Variants in AGPAT4 observed in about 807,000 individuals in gnomAD.
AGPAT4 encodes the protein 1-acyl-sn-glycerol-3-phosphate acyltransferase delta.
In AGPAT4, 15 loss-of-function variants were observed where a neutral mutation model predicts 48.0. That is an observed-to-expected ratio of 0.31 (90% CI 0.21 to 0.48). The LOEUF (loss-of-function observed/expected upper bound fraction) is 0.48, where lower values mean the gene tolerates loss of function less well. Ranked by LOEUF, AGPAT4 falls within the 20% of genes least tolerant of loss-of-function variation. The pLI is 0.99. For missense variants in AGPAT4, 314 were observed against 482.5 expected (o/e 0.65, Z 3.27); for synonymous variants, 178 against 198.7 (o/e 0.90, Z 0.88).
chr6:161,251,608 AC>A lies in AGPAT4; in HGVS notation c.-89-19307del, dbSNP rs1354791013. Among the ~76,000 whole-genome samples, 1 of 152,078 alleles carries A rather than the reference AC, an allele frequency of 6.6e-6. No homozygotes were observed. The highest frequency in any genetic ancestry group is 2.4e-5 in the African/African-American group (1 of 41,406). On this transcript the variant is annotated intron_variant, in intron 1 of 8. Transcript: ENST00000320285. This position sits in a 1 kb window ranked among gnomAD's most constrained non-coding sequence, Gnocchi z 4.6. ...CAGCCTGTCCGGCCGCTGGTTAAAG[AC>A]CCGCAGGGAGGATGGAAGCTGCGCC...
rs1190889516 is a variant in AGPAT4 at position 161,178,522 on chromosome 6, C to T, written c.179-12105G>A. Among the ~76,000 whole-genome samples, 1 of 152,188 alleles carries T rather than the reference C, an allele frequency of 6.6e-6. No individual in the cohort carries two copies. Among genetic ancestry groups the T allele is most frequent in the Non-Finnish European group, 1.5e-5 (1 of 68,036 alleles). ...TGGGAGTGAACCAATTTTCCAGGTG[C>T]CGTCTGTCACCGCTTCCCTTGGCTA... On this transcript the variant is annotated intron_variant, in intron 2 of 8. Transcript: ENST00000320285. The surrounding 1 kb of genome is among the most constrained non-coding windows in gnomAD (Gnocchi z 5.1).
Position 161,215,028 on chromosome 6 carries a change from A to G in AGPAT4, c.178+17008T>C, listed in dbSNP as rs891310957. On this transcript the variant is annotated intron_variant, in intron 2 of 8. Coordinates refer to ENST00000320285, the MANE Select transcript of AGPAT4 (RefSeq NM_020133.3). This position sits in a 1 kb window ranked among gnomAD's most constrained non-coding sequence, Gnocchi z 4.5. Reference sequence around the variant, plus strand: ...GACCATATCCAGCTTCATACTAACAATTTTTTCTTTGGTAGGACTACAAGC... The same window carrying G: ...GACCATATCCAGCTTCATACTAACAGTTTTTTCTTTGGTAGGACTACAAGC... 6.6e-6 allele frequency among the ~76,000 whole-genome samples: 1 copy of G among 151,944 alleles called. No homozygotes were observed. The highest frequency in any genetic ancestry group is 6.6e-5 in the Admixed American group (1 of 15,242).
At position 161,231,203 on chromosome 6, in the gene AGPAT4, C is replaced by T. The variant is rs73595087; in HGVS notation, c.178+833G>A. 0.011 allele frequency among the ~76,000 whole-genome samples: 1,642 copies of T among 152,178 alleles called. 33 individuals are homozygous for T. Among genetic ancestry groups the T allele is most frequent in the African/African-American group, 0.038 (1,569 of 41,500 alleles). On this transcript the variant is annotated intron_variant, in intron 2 of 8. Coordinates refer to ENST00000320285, the MANE Select transcript of AGPAT4 (RefSeq NM_020133.3). The surrounding 1 kb of genome is among the most constrained non-coding windows in gnomAD (Gnocchi z 5.3). ...ATATATCATTATTAATATCACACTGCGTTCTCTACTTTTAAGAATAGGTAT... is the reference window on the plus strand; with the variant it reads ...ATATATCATTATTAATATCACACTGTGTTCTCTACTTTTAAGAATAGGTAT...
At chr6:161,157,994 A>C (rs1227229103) in intron 3 of AGPAT4, among the ~76,000 whole-genome samples, 2 of 152,232 alleles carry the variant, frequency 1.3e-5, no homozygotes, top group African/African-American at 4.8e-5. Context: ...ACAAAAGCAC[A>C]AAGTTGAGAC....
At chr6:161,156,403 A>C (rs920535254) in intron 3 of AGPAT4, among the ~76,000 whole-genome samples, 2 of 152,196 alleles carry the variant, frequency 1.3e-5, no homozygotes, top group African/African-American at 4.8e-5. Context: ...AACCTAAAAT[A>C]TTCATTCTCT....
rs1327121980 is a variant in AGPAT4 at position 161,180,501 on chromosome 6, C to G, written c.179-14084G>C. Reference sequence around the variant, plus strand: ...TGGCCTTATGATCATTAGCTCTAACCAACTTTAACAATTATATAATTACAT... The same window carrying G: ...TGGCCTTATGATCATTAGCTCTAACGAACTTTAACAATTATATAATTACAT... On this transcript the variant is annotated intron_variant, in intron 2 of 8. Transcript: ENST00000320285. The surrounding 1 kb of genome is among the most constrained non-coding windows in gnomAD (Gnocchi z 6.4). Among the ~76,000 whole-genome samples, 1 of 152,156 alleles carries G rather than the reference C, an allele frequency of 6.6e-6. No individual in the cohort carries two copies. Among genetic ancestry groups the G allele is most frequent in the Non-Finnish European group, 1.5e-5 (1 of 68,032 alleles).
At position 161,220,306 on chromosome 6, in the gene AGPAT4, T is replaced by C. The variant is rs894120504; in HGVS notation, c.178+11730A>G. On this transcript the variant is annotated intron_variant, in intron 2 of 8. Transcript: ENST00000320285. This position sits in a 1 kb window ranked among gnomAD's most constrained non-coding sequence, Gnocchi z 6.0. ...AGGGTTCATTTTGGAATAAGCATCATATGGAAAAGTTTAGCCAAGTAAAAG... is the reference window on the plus strand; with the variant it reads ...AGGGTTCATTTTGGAATAAGCATCACATGGAAAAGTTTAGCCAAGTAAAAG... 1.3e-5 allele frequency among the ~76,000 whole-genome samples: 2 copies of C among 152,188 alleles called. No individual in the cohort carries two copies. The highest frequency in any genetic ancestry group is 4.8e-5 in the African/African-American group (2 of 41,432).
intron 2 of AGPAT4, among the ~76,000 whole-genome samples, chr6:161,228,364 C>T (rs1254305446): frequency 1.3e-5 from 2 of 152,178 alleles, no homozygotes; most frequent in African/African-American, 4.8e-5. Flanking sequence ...TGTAGCTGTG[C>T]ATCCAACAGC....
At chr6:161,168,259 G>A (rs1780165735) in intron 2 of AGPAT4, among the ~76,000 whole-genome samples, 1 of 152,128 alleles carries the variant, frequency 6.6e-6, no homozygotes, top group Admixed American at 6.5e-5. Flanking sequence ...CCCGAGGATG[G>A]GAAGGATCAA....
rs924752351 is a variant in AGPAT4, at chr6:161,226,157, G to C, written c.178+5879C>G. Among the ~76,000 whole-genome samples, 1 of 152,112 alleles carries C rather than the reference G, an allele frequency of 6.6e-6. No individual in the cohort carries two copies. The highest frequency in any genetic ancestry group is 2.4e-5 in the African/African-American group (1 of 41,424). ...CCAGCAGAGGTAGCCAGTAGGTCCT[G>C]CCCAACTCCACATTTTGACAGGCTC... is the stretch of plus-strand genomic sequence containing the variant. On this transcript the variant is annotated intron_variant, in intron 2 of 8. Coordinates refer to ENST00000320285, the MANE Select transcript of AGPAT4 (RefSeq NM_020133.3). This position sits in a 1 kb window ranked among gnomAD's most constrained non-coding sequence, Gnocchi z 6.3.
At chr6:161,145,057 C>A (rs1779379028) in intron 7 of AGPAT4, among the ~76,000 whole-genome samples, 1 of 151,666 alleles carries the variant, frequency 6.6e-6, no homozygotes, top group Non-Finnish European at 1.5e-5. Flanking sequence ...AAGAAAAATA[C>A]TGCCTCATGC....
intron 2 of AGPAT4, among the ~76,000 whole-genome samples, chr6:161,183,631 G>A (rs553217016): frequency 4.1e-4 from 51 of 123,126 alleles, no homozygotes; most frequent in African/African-American, 1.5e-3. Flanking sequence ...AGGGAAGGGA[G>A]GGGAGGTGAG....
intron 2 of AGPAT4, among the ~76,000 whole-genome samples, chr6:161,213,578 TAA>T (rs1781571917): frequency 6.6e-6 from 1 of 152,188 alleles, no homozygotes; most frequent in African/African-American, 2.4e-5. Flanking sequence ...TGTGCTTTTG[TAA>T]AGCCCTGTGA....
rs1373574891 is a variant in AGPAT4 at position 161,232,747 on chromosome 6, C to A, written c.-89-445G>T. Among the ~76,000 whole-genome samples, 2 of 152,142 alleles carry A rather than the reference C, an allele frequency of 1.3e-5. No homozygotes were observed. Among genetic ancestry groups the A allele is most frequent in the African/African-American group, 4.8e-5 (2 of 41,434 alleles). ...CTCACCCCTAGCCCCACGCCATCTC[C>A]CTCCTCTCATTCTCCTCCTCCAGAT... On this transcript the variant is annotated intron_variant, in intron 1 of 8. Transcript: ENST00000320285. The surrounding 1 kb of genome is among the most constrained non-coding windows in gnomAD (Gnocchi z 6.8).
In AGPAT4 at chr6:161,264,572, T is replaced by A. The variant is rs546360709; in HGVS notation, c.-90+9366A>T. Among the ~76,000 whole-genome samples, 349 of 152,304 alleles carry A rather than the reference T, an allele frequency of 2.3e-3. 3 individuals are homozygous for A. The highest frequency in any genetic ancestry group is 7.9e-3 in the African/African-American group (330 of 41,566). Reference sequence around the variant, plus strand: ...CTGGCGTGCCCGCGCATCCCTGCCCTGCAAGTCTTATCCACTGCGTGGGAA... The same window carrying A: ...CTGGCGTGCCCGCGCATCCCTGCCCAGCAAGTCTTATCCACTGCGTGGGAA... On this transcript the variant is annotated intron_variant, in intron 1 of 8. Coordinates refer to ENST00000320285, the MANE Select transcript of AGPAT4 (RefSeq NM_020133.3). This position sits in a 1 kb window ranked among gnomAD's most constrained non-coding sequence, Gnocchi z 6.8.
chr6:161,156,654 C>T (rs1418024544), intron 3 of AGPAT4, among the ~76,000 whole-genome samples: 1 of 152,148 alleles, frequency 6.6e-6, no homozygotes, highest in Non-Finnish European at 1.5e-5. Flanking sequence ...GGAACAGGCC[C>T]CCAAAATCTG....
At position 161,146,621 on chromosome 6, in the gene AGPAT4, A is replaced by G. The variant is rs1305812524; in HGVS notation, c.768-22T>C. 6.2e-7 allele frequency: 1 copy of G among 1,612,866 alleles called. No homozygotes were observed. Among genetic ancestry groups the G allele is most frequent in the Non-Finnish European group, 8.5e-7 (1 of 1,179,020 alleles). On this transcript the variant is annotated intron_variant, in intron 6 of 8. Transcript: ENST00000320285. The surrounding 1 kb of genome is among the most constrained non-coding windows in gnomAD (Gnocchi z 7.1). ...CCTCCTGCAAAGGCAGAGAGCAGCT[A>G]GCAGAGAGGAGGTGATGCCCCCCTA...
At chr6:161,224,919 T>C (rs914191112) in intron 2 of AGPAT4, among the ~76,000 whole-genome samples, 3 of 152,232 alleles carry the variant, frequency 2.0e-5, no homozygotes, top group Non-Finnish European at 4.4e-5. Flanking sequence ...TATGTCAGTA[T>C]GTTCAATTCT....
chr6:161,137,711 G>A lies in AGPAT4; in HGVS notation c.1043-1077C>T, dbSNP rs1045076195. On this transcript the variant is annotated intron_variant, in intron 8 of 8. Coordinates refer to ENST00000320285, the MANE Select transcript of AGPAT4 (RefSeq NM_020133.3). The surrounding 1 kb of genome is among the most constrained non-coding windows in gnomAD (Gnocchi z 6.1). ...GCGCAGGCTCAGAGTAATGGGGCAC[G>A]GCAGTCAGCTCCTCAGATGCTCCTG... Among the ~76,000 whole-genome samples, 2 of 152,246 alleles carry A rather than the reference G, an allele frequency of 1.3e-5. No individual in the cohort carries two copies. Among genetic ancestry groups the A allele is most frequent in the East Asian group, 1.9e-4 (1 of 5,174 alleles).
Sources: gnomAD v4.1 joint callset for allele counts (sites outside exome capture counted in the v4.1 genomes callset) on GRCh38, gnomAD v4.1.1 for gene constraint, Gnocchi (gnomAD v3.1) non-coding constraint, MANE v1.5 for transcripts, NCBI Gene and HGNC (gene_info 2026-07-23, HGNC 2026-07-21) for gene names.